STC1: variants seen among roughly 807,000 people sequenced by gnomAD.
The protein encoded by STC1 is stanniocalcin 1.
In STC1, 7 loss-of-function variants were observed where a neutral mutation model predicts 22.6. The ratio of observed to expected loss-of-function variants is 0.31; its 90% CI spans 0.18 to 0.58. STC1 has a LOEUF of 0.58. Among genes scored for constraint, STC1 ranks in the 20% least tolerant of loss-of-function variants. The probability of loss-of-function intolerance (pLI) is 0.89; values close to 1 mark genes in which losing one functional copy is unlikely to be tolerated. For synonymous variants in STC1, 113 were observed against 120.7 expected (o/e 0.94, Z 0.42); for missense variants, 224 against 311.0 (o/e 0.72, Z 2.10).
At chr8:23,850,721 A>G (rs1418791261) in intron 3 of STC1, among the ~76,000 whole-genome samples, 1 of 152,154 alleles carries the variant, frequency 6.6e-6, no homozygotes, top group South Asian at 2.1e-4. Flanking sequence ...GAGGAATGGG[A>G]TAACATAAGG....
intron 3 of STC1, among the ~76,000 whole-genome samples, chr8:23,849,812 C>T (rs936471648): frequency 4.6e-5 from 7 of 152,054 alleles, no homozygotes; most frequent in African/African-American, 4.8e-5. Context: ...TGTCCTTAGC[C>T]CCTGTCTGGC....
At position 23,848,554 on chromosome 8, in the gene STC1, A is replaced by AAAGAAGAAG. The variant is rs1199428448; in HGVS notation, c.473+2757_473+2765dup. Among the ~76,000 whole-genome samples, 423 of 139,436 alleles carry AAAGAAGAAG rather than the reference A, an allele frequency of 3.0e-3. 5 individuals carry two copies. The highest frequency in any genetic ancestry group is 0.011 in the African/African-American group (399 of 35,628). The allele number at this position is 139,436 out of a possible 152,430, so 91.5% of individuals were successfully genotyped here. A position where few individuals can be genotyped will look rare whatever the true frequency, so the allele number is the denominator to read the frequency against. Reference sequence around the variant, plus strand: ...CAAAAAAAAAAAAAAAAAAAAAAAAAAAGAAGAAGAAGATTCCTTTCTTTA... The same window carrying AAAGAAGAAG: ...CAAAAAAAAAAAAAAAAAAAAAAAAAAAGAAGAAGAAGAAGAAGAAGATTCCTTTCTTTA... On this transcript the variant is annotated intron_variant, in intron 3 of 3. Coordinates refer to ENST00000290271, the MANE Select transcript of STC1 (RefSeq NM_003155.3).
At chr8:23,853,765 A>T (rs1430622866) in intron 1 of STC1, among the ~76,000 whole-genome samples, 1 of 152,018 alleles carries the variant, frequency 6.6e-6, no homozygotes, top group African/African-American at 2.4e-5. Context: ...TACGTTTCAC[A>T]ATTTTTTTTT....
intron 3 of STC1, among the ~76,000 whole-genome samples, chr8:23,848,093 C>T (rs1802593723): frequency 6.6e-6 from 1 of 152,182 alleles, no homozygotes; most frequent in African/African-American, 2.4e-5. Flanking sequence ...GGCAGTTAGT[C>T]TAGTTAACCT....
At chr8:23,851,630 G>A (rs1355549275) in intron 2 of STC1, 99 bp from the exon 3 acceptor site, 5 of 979,414 alleles carry the variant, frequency 5.1e-6, no homozygotes, top group African/African-American at 1.6e-5. Flanking sequence ...TCTGGGCAAC[G>A]TATCATGGCC....
intron 2 of STC1, among the ~76,000 whole-genome samples, chr8:23,851,733 G>A (rs1474481429): frequency 6.7e-6 from 1 of 150,104 alleles, no homozygotes; most frequent in Admixed American, 6.7e-5. Flanking sequence ...ATTCCCTTGA[G>A]AATTAAGCTC....
rs924973008 is a variant in STC1, at chr8:23,842,274, C to T, written c.*2496G>A. ...TCATGCAAACTGGTCTAGGTCAGCC[C>T]CCGAATCACTCTGCAGCAAACACAA... On this transcript the variant is annotated 3_prime_UTR_variant, in exon 4 of 4. Transcript: ENST00000290271. 2.0e-5 allele frequency: 3 copies of T among 152,058 alleles called. No individual in the cohort carries two copies. The highest frequency in any genetic ancestry group is 3.4e-3 in the Middle Eastern group (1 of 292). The allele number at this position is 152,058 out of a possible 1,614,324, so 9.4% of individuals were successfully genotyped here.
chr8:23,845,356 G>A (rs889676120), intron 3 of STC1, among the ~76,000 whole-genome samples: 2 of 152,122 alleles, frequency 1.3e-5, no homozygotes, highest in African/African-American at 4.8e-5. Flanking sequence ...TACAGAGCTA[G>A]CTGGGACCAC....
At chr8:23,852,894 G>A (rs942018994) in intron 1 of STC1, among the ~76,000 whole-genome samples, 1 of 152,272 alleles carries the variant, frequency 6.6e-6, no homozygotes, top group East Asian at 1.9e-4. Context: ...GAGTCCACTT[G>A]GAGACCCTTC....
intron 3 of STC1, among the ~76,000 whole-genome samples, chr8:23,845,755 T>A (rs1012261077): frequency 2.6e-5 from 4 of 152,344 alleles, no homozygotes; most frequent in Admixed American, 2.6e-4. Flanking sequence ...GGCCAAATCC[T>A]AGGCAAGAAG....
chr8:23,854,717 T>TGCTGCC lies in STC1; in HGVS notation c.-200_-195dup. The TGCTGCC allele has an allele frequency of 5.9e-6, 4 of 676,332 alleles. No individual in the cohort carries two copies. In the Admixed American group the frequency reaches 6.4e-5, roughly 11 times the overall value. The allele number at this position is 676,332 out of a possible 1,614,324, so 41.9% of individuals were successfully genotyped here. On this transcript the variant is annotated 5_prime_UTR_variant, in exon 1 of 4. Coordinates refer to ENST00000290271, the MANE Select transcript of STC1 (RefSeq NM_003155.3). ...CCACCGGTGCCTCCGCTGCTGCTGCTGCTGCCGCCGCTGCTGCTGCTGCTG... is the reference window on the plus strand; with the variant it reads ...CCACCGGTGCCTCCGCTGCTGCTGCTGCTGCCGCTGCCGCCGCTGCTGCTGCTGCTG...
chr8:23,843,651 T>C lies in STC1; in HGVS notation c.*1119A>G, dbSNP rs994467728. On this transcript the variant is annotated 3_prime_UTR_variant, in exon 4 of 4. Coordinates refer to ENST00000290271, the MANE Select transcript of STC1 (RefSeq NM_003155.3). ...AAGCCCATAGGGATGCTCTTTTTGG[T>C]TCCTGGAATTTCCAGTTGGATGTGA... is the stretch of plus-strand genomic sequence containing the variant. 6.5e-6 allele frequency: 1 copy of C among 152,708 alleles called. No homozygotes were observed. The highest frequency in any genetic ancestry group is 2.4e-5 in the African/African-American group (1 of 41,470). 9.5% of individuals were successfully genotyped at this position (152,708 alleles called of 1,614,324 possible).
rs1468235837 is a variant in STC1 at position 23,843,135 on chromosome 8, T to G, written c.*1635A>C. On this transcript the variant is annotated 3_prime_UTR_variant, in exon 4 of 4. Transcript: ENST00000290271. ...CTCTCTTCCTCTCTTGACATTGACC[T>G]TTGGTGGGCAGTGACGCTCATAAGG... 6.6e-6 allele frequency: 1 copy of G among 152,444 alleles called. No individual in the cohort carries two copies. The highest frequency in any genetic ancestry group is 1.5e-5 in the Non-Finnish European group (1 of 68,096). 9.4% of individuals were successfully genotyped at this position (152,444 alleles called of 1,614,324 possible).
At chr8:23,852,168 G>T in intron 2 of STC1, 74 bp downstream of exon 2, 7 of 1,595,974 alleles carry the variant, frequency 4.4e-6, no homozygotes, top group Non-Finnish European at 6.0e-6. Context: ...TACAAGACTG[G>T]TTCCTAAGAA....
At chr8:23,846,397 A>G (rs1802573635) in intron 3 of STC1, among the ~76,000 whole-genome samples, 1 of 152,198 alleles carries the variant, frequency 6.6e-6, no homozygotes, top group Non-Finnish European at 1.5e-5. Context: ...GTTCGCTAAT[A>G]AGAGACTCAG....
intron 1 of STC1, among the ~76,000 whole-genome samples, chr8:23,853,610 C>T (rs771417019): frequency 4.6e-5 from 7 of 152,172 alleles, no homozygotes; most frequent in Non-Finnish European, 1.0e-4. Flanking sequence ...GGAAGGGGAA[C>T]AAGTGGAGCC....
chr8:23,854,233 TA>T, intron 1 of STC1, 172 bp downstream of exon 1: 5 of 975,174 alleles, frequency 5.1e-6, no homozygotes, highest in Non-Finnish European at 7.4e-6. Context: ...TGCAATTTAT[TA>T]AACAAAGGAG....
Position 23,843,266 on chromosome 8 carries a change from T to C in STC1, c.*1504A>G, listed in dbSNP as rs899942217. ...CATCTTGTAAACATCATGGCAGAAA[T>C]GATCAAACCACCAGCTCTTTTTCCC... is the stretch of plus-strand genomic sequence containing the variant. On this transcript the variant is annotated 3_prime_UTR_variant, in exon 4 of 4. Coordinates refer to ENST00000290271, the MANE Select transcript of STC1 (RefSeq NM_003155.3). 3 of 152,626 alleles carry C rather than the reference T, an allele frequency of 2.0e-5. No individual in the cohort carries two copies. The highest frequency in any genetic ancestry group is 4.4e-5 in the Non-Finnish European group (3 of 68,056). 9.5% of individuals were successfully genotyped at this position (152,626 alleles called of 1,614,324 possible).
At chr8:23,851,291 G>A in intron 3 of STC1, 29 bp downstream of exon 3, 1 of 1,612,354 alleles carries the variant, frequency 6.2e-7, no homozygotes, top group Non-Finnish European at 8.5e-7. Flanking sequence ...CCAGTCCCCT[G>A]ATTGTGAAAA....
Sources: gnomAD v4.1 joint callset for allele counts (sites outside exome capture counted in the v4.1 genomes callset) on GRCh38, gnomAD v4.1.1 for gene constraint, MANE v1.5 for transcripts, NCBI Gene and HGNC (gene_info 2026-07-23, HGNC 2026-07-21) for gene names.